The following NCKAP5 variants were observed in gnomAD, a reference collection of about 807,000 sequenced individuals.
The protein encoded by NCKAP5 is NCK associated protein 5.
In NCKAP5, 92 loss-of-function variants were observed where a neutral mutation model predicts 167.0. The observed-to-expected ratio is 0.55, with a 90% confidence interval of 0.47 to 0.66. The LOEUF (loss-of-function observed/expected upper bound fraction) is 0.66. Ranked by LOEUF, NCKAP5 falls within the 30% of genes least tolerant of loss-of-function variation. NCKAP5 has a pLI of 0.00. For missense variants in NCKAP5, 2,378 were observed against 2,315.0 expected (o/e 1.03, Z -0.56); for synonymous variants, 891 against 877.4 (o/e 1.02, Z -0.27).
At chr2:132,850,892 C>T (rs1486430168) in intron 11 of NCKAP5, among the ~76,000 whole-genome samples, 1 of 152,126 alleles carries the variant, frequency 6.6e-6, no homozygotes, top group Non-Finnish European at 1.5e-5. Flanking sequence ...TGTGGCCTTT[C>T]TCCGGTCACC....
intron 19 of NCKAP5, among the ~76,000 whole-genome samples, chr2:132,684,451 T>G (rs1189006483): frequency 6.6e-6 from 1 of 152,238 alleles, no homozygotes; most frequent in Non-Finnish European, 1.5e-5. Context: ...TTGTGAGTAG[T>G]CAAGGTCATA....
rs186675623 is a variant in NCKAP5, at chr2:133,189,014, T to C, written c.207+24702A>G. 3.1e-3 allele frequency among the ~76,000 whole-genome samples: 474 copies of C among 151,950 alleles called. 4 individuals are homozygous for C. Among genetic ancestry groups the C allele is most frequent in the African/African-American group, 0.011 (452 of 41,406 alleles). ...TCCAGGAGCTGGTTTTTCGAAAAGATCAACAAAATTGATAGGCTACTAGCA... is the reference window on the plus strand; with the variant it reads ...TCCAGGAGCTGGTTTTTCGAAAAGACCAACAAAATTGATAGGCTACTAGCA... On this transcript the variant is annotated intron_variant, in intron 5 of 19. Coordinates refer to ENST00000409261, the MANE Select transcript of NCKAP5 (RefSeq NM_207363.3).
At chr2:133,570,739 C>T (rs1462620244), upstream of NCKAP5, among the ~76,000 whole-genome samples, 2 of 152,174 alleles carry the variant, frequency 1.3e-5, no homozygotes, top group African/African-American at 2.4e-5. Context: ...AGCACCGGAG[C>T]GACAAGTCAG....
intron 8 of NCKAP5, among the ~76,000 whole-genome samples, chr2:132,879,248 G>A (rs1489483321): frequency 6.6e-6 from 1 of 152,182 alleles, no homozygotes; most frequent in Non-Finnish European, 1.5e-5. Context: ...TGGGAGAAAT[G>A]CCTTAATCCA....
chr2:133,527,151 T>C (rs941350214), intron 2 of NCKAP5: 1 of 152,082 alleles, frequency 6.6e-6, no homozygotes, highest in Non-Finnish European at 1.5e-5. Flanking sequence ...CTGGGGCCAG[T>C]TGGGTAGAAT....
intron 11 of NCKAP5, among the ~76,000 whole-genome samples, chr2:132,803,760 A>G (rs558981972): frequency 6.6e-6 from 1 of 152,346 alleles, no homozygotes; most frequent in East Asian, 1.9e-4. Context: ...TTTACGCTTT[A>G]TGCTTTATGA....
chr2:133,348,524 C>T (rs1312496672), intron 3 of NCKAP5, among the ~76,000 whole-genome samples: 1 of 152,112 alleles, frequency 6.6e-6, no homozygotes, highest in African/African-American at 2.4e-5. Context: ...CTATAGCCAA[C>T]ATCACCATGT....
At chr2:133,041,741 T>A (rs2079224623) in intron 6 of NCKAP5, among the ~76,000 whole-genome samples, 1 of 152,140 alleles carries the variant, frequency 6.6e-6, no homozygotes, top group African/African-American at 2.4e-5. Flanking sequence ...ATTTGACCAA[T>A]GTACTCAACA....
chr2:132,811,538 G>A (rs955767299), intron 11 of NCKAP5, among the ~76,000 whole-genome samples: 4 of 151,974 alleles, frequency 2.6e-5, no homozygotes, highest in African/African-American at 9.7e-5. Flanking sequence ...GGGGAAAGCC[G>A]GCAGTCACAG....
intron 16 of NCKAP5, among the ~76,000 whole-genome samples, chr2:132,752,346 A>G (rs1157251085): frequency 6.6e-6 from 1 of 152,224 alleles, no homozygotes; most frequent in Admixed American, 6.5e-5. Context: ...CATCAAAATG[A>G]GTTTTGAATT....
intron 5 of NCKAP5, among the ~76,000 whole-genome samples, chr2:133,194,513 C>A (rs2085355465): frequency 6.6e-6 from 1 of 152,060 alleles, no homozygotes; most frequent in Non-Finnish European, 1.5e-5. Flanking sequence ...CTGGCAAGCA[C>A]AGCTCTCATG....
chr2:132,687,724 C>T (rs1321173006), intron 19 of NCKAP5, among the ~76,000 whole-genome samples: 1 of 135,858 alleles, frequency 7.4e-6, no homozygotes, highest in East Asian at 2.0e-4. Flanking sequence ...CACACACACA[C>T]ACACACACAC....
chr2:133,108,442 C>T (rs533821884), intron 6 of NCKAP5, among the ~76,000 whole-genome samples: 3 of 152,316 alleles, frequency 2.0e-5, no homozygotes, highest in African/African-American at 4.8e-5. Context: ...CGCAGTCACT[C>T]GCACACTACA....
At chr2:133,311,228 T>G (rs1335212031) in intron 3 of NCKAP5, among the ~76,000 whole-genome samples, 1 of 152,182 alleles carries the variant, frequency 6.6e-6, no homozygotes. Context: ...TCCTCAAGCT[T>G]GATTAATTTG....
In NCKAP5 at chr2:133,188,789, G is replaced by A. The variant is rs141060607; in HGVS notation, c.207+24927C>T. On this transcript the variant is annotated intron_variant, in intron 5 of 19. Transcript: ENST00000409261. ...CTCTGGGGCACATTTAAAGCAGTGTGTAGAGGGAAATTTATAGCACTAAAT... is the reference window on the plus strand; with the variant it reads ...CTCTGGGGCACATTTAAAGCAGTGTATAGAGGGAAATTTATAGCACTAAAT... Among the ~76,000 whole-genome samples, 972 of 152,254 alleles carry A rather than the reference G, an allele frequency of 6.4e-3. 19 individuals carry two copies. Among genetic ancestry groups the A allele is most frequent in the African/African-American group, 0.022 (921 of 41,554 alleles).
At chr2:132,842,114 C>G (rs1363156274) in intron 11 of NCKAP5, among the ~76,000 whole-genome samples, 2 of 151,980 alleles carry the variant, frequency 1.3e-5, no homozygotes, top group African/African-American at 4.8e-5. Context: ...TTTTTAGGAC[C>G]TTTTTCAATG....
At chr2:133,298,597 A>G (rs1187353912) in intron 4 of NCKAP5, among the ~76,000 whole-genome samples, 1 of 152,180 alleles carries the variant, frequency 6.6e-6, no homozygotes, top group Non-Finnish European at 1.5e-5. Flanking sequence ...AGCCCATGAA[A>G]CCATTATTCA....
chr2:133,270,831 A>T (rs1323499587), intron 4 of NCKAP5, among the ~76,000 whole-genome samples: 1 of 151,790 alleles, frequency 6.6e-6, no homozygotes, highest in African/African-American at 2.4e-5. Flanking sequence ...GAAAACTCTA[A>T]TTCTGTACTG....
At chr2:132,878,319 C>T (rs1691448755) in intron 9 of NCKAP5, among the ~76,000 whole-genome samples, 1 of 152,152 alleles carries the variant, frequency 6.6e-6, no homozygotes, top group South Asian at 2.1e-4. Flanking sequence ...AATTTTCTTC[C>T]TCATTTCTCT....
Sources: allele counts gnomAD v4.1 joint callset (sites outside exome capture counted in the v4.1 genomes callset), GRCh38; gene constraint gnomAD v4.1.1; transcripts MANE v1.5; gene names NCBI Gene and HGNC (gene_info 2026-07-23, HGNC 2026-07-21).